ASTN2: variants seen among roughly 807,000 people sequenced by gnomAD.
ASTN2 encodes astrotactin-2.
ASTN2 carries 54 observed loss-of-function variants against 139.8 expected under a neutral mutation model. The observed-to-expected ratio is 0.39, with a 90% CI of 0.31 to 0.48. The LOEUF (loss-of-function observed/expected upper bound fraction) is 0.48. Among genes scored for constraint, ASTN2 ranks in the 20% least tolerant of loss-of-function variants. The probability of loss-of-function intolerance (pLI) is 0.95; values close to 1 mark genes in which losing one functional copy is unlikely to be tolerated. For missense variants in ASTN2, 1,565 were observed against 1,725.1 expected (o/e 0.91, Z 1.64); for synonymous variants, 756 against 719.5 (o/e 1.05, Z -0.81).
At chr9:117,161,414 G>A (rs368077496) in intron 3 of ASTN2, among the ~76,000 whole-genome samples, 2 of 151,974 alleles carry the variant, frequency 1.3e-5, no homozygotes, top group African/African-American at 2.4e-5. Context: ...TTTTTTGCAA[G>A]ACAGGGTCTC....
At chr9:116,840,782 C>T (rs908919359) in intron 11 of ASTN2, among the ~76,000 whole-genome samples, 12 of 149,338 alleles carry the variant, frequency 8.0e-5, no homozygotes, top group Non-Finnish European at 1.6e-4. Context: ...AGACGATGGG[C>T]GGCAGGGCAG....
intron 10 of ASTN2, among the ~76,000 whole-genome samples, chr9:116,906,618 C>T (rs930105269): frequency 6.6e-6 from 1 of 152,094 alleles, no homozygotes; most frequent in Non-Finnish European, 1.5e-5. Context: ...TTCTTATGTG[C>T]CCCTCACCAC....
chr9:116,678,943 T>C (rs1859670102), intron 16 of ASTN2, among the ~76,000 whole-genome samples: 2 of 152,188 alleles, frequency 1.3e-5, no homozygotes, highest in Admixed American at 1.3e-4. Context: ...GAAATTTGGT[T>C]TTCTCTTTTG....
At chr9:117,226,214 A>C (rs1000067299) in intron 2 of ASTN2, among the ~76,000 whole-genome samples, 2 of 152,220 alleles carry the variant, frequency 1.3e-5, no homozygotes, top group African/African-American at 4.8e-5. Context: ...AAGACTGGAT[A>C]ATCAGCTAAA....
intron 13 of ASTN2, among the ~76,000 whole-genome samples, chr9:116,734,615 G>A (rs1194433624): frequency 2.6e-5 from 4 of 152,170 alleles, no homozygotes; most frequent in Non-Finnish European, 5.9e-5. Context: ...AAAGGAGGAA[G>A]ATGTTTATTA....
intron 5 of ASTN2, among the ~76,000 whole-genome samples, chr9:117,076,802 C>G (rs1455109919): frequency 6.6e-6 from 1 of 152,144 alleles, no homozygotes. Context: ...CTTTAACATC[C>G]CTGGCCATAA....
chr9:117,182,389 A>C (rs1367004522), intron 3 of ASTN2, among the ~76,000 whole-genome samples: 1 of 152,100 alleles, frequency 6.6e-6, no homozygotes, highest in Non-Finnish European at 1.5e-5. Flanking sequence ...TGAAAAACTG[A>C]AAACACTTTA....
At chr9:117,171,710 G>A (rs1386976466) in intron 3 of ASTN2, among the ~76,000 whole-genome samples, 1 of 151,990 alleles carries the variant, frequency 6.6e-6, no homozygotes, top group Non-Finnish European at 1.5e-5. Flanking sequence ...GCCTTGTGAA[G>A]AAGGTGCTTG....
At chr9:116,610,340 C>T (rs541565225) in intron 19 of ASTN2, among the ~76,000 whole-genome samples, 1 of 152,164 alleles carries the variant, frequency 6.6e-6, no homozygotes, top group Non-Finnish European at 1.5e-5. Context: ...GACGGTGGCT[C>T]ACACCTATAA....
At chr9:117,352,380 T>G (rs1587973875) in intron 1 of ASTN2, among the ~76,000 whole-genome samples, 3 of 152,274 alleles carry the variant, frequency 2.0e-5, no homozygotes, top group Admixed American at 2.0e-4. Flanking sequence ...AGATATTATC[T>G]CCACCAACCT....
rs534594030 is a variant in ASTN2, at chr9:117,109,839, C to G, written c.1169-13688G>C. Among the ~76,000 whole-genome samples, 8 of 152,300 alleles carry G rather than the reference C, an allele frequency of 5.3e-5. No individual in the cohort carries two copies. In the South Asian group the frequency reaches 1.7e-3, roughly 32 times the overall value. On this transcript the variant is annotated intron_variant, in intron 4 of 22. Coordinates refer to ENST00000313400, the MANE Select transcript of ASTN2 (RefSeq NM_001365068.1). ...GCCTCAGCCTTTCCGGGAGTATTCT[C>G]ATGAGTTTGGGCTAAATTGTTTCAC...
At chr9:116,527,252 T>A (rs1851135174) in intron 19 of ASTN2, among the ~76,000 whole-genome samples, 1 of 152,090 alleles carries the variant, frequency 6.6e-6, no homozygotes, top group Admixed American at 6.6e-5. Flanking sequence ...ATCTACAGAA[T>A]GAGAGAATAT....
intron 11 of ASTN2, among the ~76,000 whole-genome samples, chr9:116,832,309 T>G (rs1355257461): frequency 6.6e-6 from 1 of 152,154 alleles, no homozygotes; most frequent in African/African-American, 2.4e-5. Context: ...TATAGTCTTA[T>G]TTCTTCCTTT....
chr9:116,571,732 T>C (rs548331300), intron 19 of ASTN2, among the ~76,000 whole-genome samples: 151 of 152,288 alleles, frequency 9.9e-4, no homozygotes, highest in African/African-American at 3.5e-3. Flanking sequence ...AGCTGTGTGT[T>C]GTCTGTGCGT....
rs532395568 is a variant in ASTN2, at chr9:117,200,245, C to A, written c.1015+14113G>T. On this transcript the variant is annotated intron_variant, in intron 3 of 22. Transcript: ENST00000313400. ...ATCCCTCCCCCCTCCCCCTACCCAA[C>A]AACAGTCCCCGGTGTGTGATGTTCG... is the stretch of plus-strand genomic sequence containing the variant. Among the ~76,000 whole-genome samples, 1,122 of 146,936 alleles carry A rather than the reference C, an allele frequency of 7.6e-3. 21 individuals are homozygous for A. Among genetic ancestry groups the A allele is most frequent in the African/African-American group, 0.027 (1,071 of 39,818 alleles).
chr9:117,340,874 T>C (rs1288254659), intron 1 of ASTN2, among the ~76,000 whole-genome samples: 3 of 152,154 alleles, frequency 2.0e-5, no homozygotes, highest in East Asian at 1.9e-4. Flanking sequence ...TAGGCTTCAG[T>C]GTGCCCATCA....
At chr9:116,730,310 A>G (rs2132122599) in intron 14 of ASTN2, among the ~76,000 whole-genome samples, 1 of 152,218 alleles carries the variant, frequency 6.6e-6, no homozygotes, top group East Asian at 1.9e-4. Context: ...CTTCCTGGAC[A>G]TTACTGCAGT....
At chr9:116,977,829 G>A (rs865859393) in intron 7 of ASTN2, among the ~76,000 whole-genome samples, 12 of 147,946 alleles carry the variant, frequency 8.1e-5, no homozygotes, top group African/African-American at 2.2e-4. Context: ...TGATTCTCCC[G>A]TCTCAGCCTC....
intron 6 of ASTN2, among the ~76,000 whole-genome samples, chr9:117,018,321 A>G (rs927396038): frequency 2.0e-5 from 3 of 152,146 alleles, no homozygotes; most frequent in Non-Finnish European, 4.4e-5. Context: ...TTTGTATGAG[A>G]TGTGCTTCCT....
Sources: gnomAD v4.1 joint callset for allele counts (sites outside exome capture counted in the v4.1 genomes callset) on GRCh38, gnomAD v4.1.1 for gene constraint, MANE v1.5 for transcripts, NCBI Gene and HGNC (gene_info 2026-07-23, HGNC 2026-07-21) for gene names.